Variants in C3orf33 observed in about 807,000 individuals in gnomAD.
The protein encoded by C3orf33 is mitochondrial inner membrane subdomain organizer 1.
In C3orf33, 23 loss-of-function variants were observed where a neutral mutation model predicts 28.7. The observed-to-expected ratio is 0.80, with a 90% CI of 0.58 to 1.13. C3orf33 has a LOEUF of 1.13. C3orf33 is among the 50% of genes most tolerant of loss of function. C3orf33 has a pLI of 0.00. For synonymous variants in C3orf33, 119 were observed against 120.5 expected, an observed-to-expected ratio of 0.99 and a Z score of 0.08; for missense variants, 327 against 353.4, an observed-to-expected ratio of 0.93 and a Z score of 0.60.
intron 3 of C3orf33, among the ~76,000 whole-genome samples, chr3:155,768,066 G>T (rs531444453): frequency 7.2e-5 from 11 of 152,010 alleles, no homozygotes; most frequent in Non-Finnish European, 1.3e-4. Context: ...TTTTAGTAGA[G>T]ACAGGGTCTC....
In C3orf33 at chr3:155,775,740, G is replaced by A. The variant is rs1208738396; in HGVS notation, c.283C>T (p.His95Tyr). 6.3e-7 allele frequency: 1 copy of A among 1,584,616 alleles called. No homozygotes were observed. Among genetic ancestry groups the A allele is most frequent in the Admixed American group, 1.7e-5 (1 of 59,402 alleles). The change falls in exon 3 of 5, where the codon CAT becomes TAT. Residue 95 changes from histidine (H) to tyrosine (Y), a missense_variant. Physicochemically the swap from His to Tyr is moderately conservative, Grantham distance 83. Coordinates refer to ENST00000340171, the MANE Select transcript of C3orf33 (RefSeq NM_001308229.2). ...RITENGLEIE[H>Y]IPITLPIIAS... is the part of the protein sequence containing the mutation. ...ATAATAGGTAAAGTAATAGGTATAT[G>A]TTCAATTTCTAAACCATTCTCAGTT...
At chr3:155,773,678 T>C (rs1241598718) in intron 3 of C3orf33, among the ~76,000 whole-genome samples, 1 of 152,230 alleles carries the variant, frequency 6.6e-6, no homozygotes, top group Non-Finnish European at 1.5e-5. Context: ...TGGCATTGCA[T>C]GATTTCAGGA....
In C3orf33 at chr3:155,775,849, C is replaced by G; in HGVS notation, c.175-1G>C. 6.3e-7 allele frequency: 1 copy of G among 1,577,798 alleles called. No homozygotes were observed. Among genetic ancestry groups the G allele is most frequent in the South Asian group, 1.2e-5 (1 of 86,940 alleles). ...CCGAAGAGCTTGTAAATTTTGATGT[C>G]TATTGATTTACAGGGAGAAAAATAT... On this transcript the variant is annotated splice_acceptor_variant, in intron 2 of 4. Transcript: ENST00000340171. LOFTEE classifies it high-confidence loss of function.
chr3:155,783,810 G>C (rs755419394), intron 2 of C3orf33, among the ~76,000 whole-genome samples: 1 of 152,084 alleles, frequency 6.6e-6, no homozygotes, highest in Non-Finnish European at 1.5e-5. Flanking sequence ...TTAAAACTTA[G>C]TATTATTGTA....
intron 2 of C3orf33, among the ~76,000 whole-genome samples, chr3:155,786,344 A>G (rs1751105942): frequency 6.6e-6 from 1 of 152,152 alleles, no homozygotes; most frequent in Non-Finnish European, 1.5e-5. Context: ...TTCAAAAAAC[A>G]ATAAAGCTGA....
At chr3:155,789,218 G>C (rs1202106777) in intron 2 of C3orf33, among the ~76,000 whole-genome samples, 1 of 151,810 alleles carries the variant, frequency 6.6e-6, no homozygotes, top group African/African-American at 2.4e-5. Context: ...GGTGGCAGGC[G>C]CTTGTAATCC....
At chr3:155,795,862 A>C (rs544947254) in intron 2 of C3orf33, among the ~76,000 whole-genome samples, 1 of 152,230 alleles carries the variant, frequency 6.6e-6, no homozygotes, top group East Asian at 1.9e-4. Flanking sequence ...AGGCTGAGGC[A>C]GAAGAATTGC....
chr3:155,787,929 T>C (rs555077909), intron 2 of C3orf33, among the ~76,000 whole-genome samples: 117 of 152,038 alleles, frequency 7.7e-4, no homozygotes, highest in Admixed American at 2.0e-3. Flanking sequence ...CGGTGGCTCA[T>C]GCCTGTAATC....
chr3:155,774,660 G>A (rs928057358), intron 3 of C3orf33, among the ~76,000 whole-genome samples: 5 of 109,972 alleles, frequency 4.5e-5, no homozygotes, highest in South Asian at 3.0e-4. Flanking sequence ...TTATGATATT[G>A]TTTTGCTTTT....
At chr3:155,790,991 C>T (rs1052000716) in intron 2 of C3orf33, among the ~76,000 whole-genome samples, 1 of 152,150 alleles carries the variant, frequency 6.6e-6, no homozygotes, top group Non-Finnish European at 1.5e-5. Context: ...ATGAGGGTGG[C>T]CAAGTGAATA....
chr3:155,792,527 GAC>G (rs1300514802), intron 2 of C3orf33, among the ~76,000 whole-genome samples: 8 of 152,104 alleles, frequency 5.3e-5, no homozygotes, highest in African/African-American at 1.4e-4. Context: ...AGAGATATGT[GAC>G]CTTTTGAAGA....
intron 3 of C3orf33, among the ~76,000 whole-genome samples, chr3:155,775,424 G>A (rs952161230): frequency 5.3e-5 from 8 of 151,748 alleles, no homozygotes; most frequent in African/African-American, 1.7e-4. Context: ...GGGAGGCGGA[G>A]GTTGCAGTGA....
chr3:155,787,629 G>A (rs1751166394), intron 2 of C3orf33, among the ~76,000 whole-genome samples: 1 of 151,774 alleles, frequency 6.6e-6, no homozygotes, highest in Admixed American at 6.6e-5. Flanking sequence ...TATGATTACA[G>A]GCGTGAGCCA....
In C3orf33 at chr3:155,762,971, T is replaced by C. The variant is rs1397909882; in HGVS notation, c.*546A>G. On this transcript the variant is annotated 3_prime_UTR_variant, in exon 5 of 5. Coordinates refer to ENST00000340171, the MANE Select transcript of C3orf33 (RefSeq NM_001308229.2). Reference sequence around the variant, plus strand: ...TGAAGTCAAGAGTTTGAGACCAGCCTGACCAACATGGAGAAACCCCGTCTC... The same window carrying C: ...TGAAGTCAAGAGTTTGAGACCAGCCCGACCAACATGGAGAAACCCCGTCTC... 1 of 152,222 alleles carries C rather than the reference T, an allele frequency of 6.6e-6. No individual in the cohort carries two copies. The highest frequency in any genetic ancestry group is 1.5e-5 in the Non-Finnish European group (1 of 68,134). 9.4% of individuals were successfully genotyped at this position (152,222 alleles called of 1,614,324 possible).
chr3:155,800,610 CAAAAAAAAAAA>C (rs58092818), intron 2 of C3orf33, among the ~76,000 whole-genome samples: 36 of 15,632 alleles, frequency 2.3e-3, no homozygotes, highest in Admixed American at 7.2e-3. Flanking sequence ...ACCTTATCTC[CAAAAAAAAAAA>C]AAAAAAAAAA....
intron 3 of C3orf33, among the ~76,000 whole-genome samples, chr3:155,769,563 T>C (rs1323923703): frequency 1.3e-5 from 2 of 151,228 alleles, no homozygotes; most frequent in African/African-American, 4.9e-5. Flanking sequence ...TTTGTTACAA[T>C]AATACACAAA....
At chr3:155,782,333 T>G (rs1483182641) in intron 2 of C3orf33, among the ~76,000 whole-genome samples, 1 of 124,030 alleles carries the variant, frequency 8.1e-6, no homozygotes, top group African/African-American at 2.8e-5. Flanking sequence ...GGAGAGAAAC[T>G]ATTTGAAAAA....
intron 3 of C3orf33, among the ~76,000 whole-genome samples, chr3:155,769,785 T>C (rs1173710387): frequency 6.6e-6 from 1 of 152,132 alleles, no homozygotes; most frequent in Non-Finnish European, 1.5e-5. Context: ...AAACCTGACC[T>C]TCAAACCAAA....
chr3:155,774,944 A>G, intron 3 of C3orf33, among the ~76,000 whole-genome samples: 1 of 151,926 alleles, frequency 6.6e-6, no homozygotes, highest in East Asian at 1.9e-4. Flanking sequence ...TTCTCTGACT[A>G]CTCTATATGT....
Sources: gnomAD v4.1 joint callset for allele counts (sites outside exome capture counted in the v4.1 genomes callset) on GRCh38, gnomAD v4.1.1 for gene constraint, MANE v1.5 for transcripts, NCBI Gene and HGNC (gene_info 2026-07-23, HGNC 2026-07-21) for gene names.